Variants in FSIP1 observed in about 807,000 individuals in gnomAD.
The protein encoded by FSIP1 is fibrous sheath-interacting protein 1.
In FSIP1, 65 loss-of-function variants were observed where a neutral mutation model predicts 60.9. The observed-to-expected ratio is 1.07, with a 90% CI of 0.87 to 1.31. The LOEUF is 1.31. Ranked by LOEUF, FSIP1 falls within the 40% of genes most tolerant of loss-of-function variation. The probability of loss-of-function intolerance (pLI) is 0.00; values close to 1 mark genes in which losing one functional copy is unlikely to be tolerated. For synonymous variants in FSIP1, 209 were observed against 221.2 expected (o/e 0.94, Z 0.49); for missense variants, 675 against 665.5 (o/e 1.01, Z -0.16).
intron 5 of FSIP1, among the ~76,000 whole-genome samples, chr15:39,745,588 C>A (rs1232173972): frequency 6.6e-6 from 1 of 152,178 alleles, no homozygotes; most frequent in Non-Finnish European, 1.5e-5. Context: ...TGGGAACACA[C>A]CCTGGACAGG....
Position 39,763,808 on chromosome 15 carries a change from T to TC in FSIP1, c.559+12dup, listed in dbSNP as rs752039200. ...GATAAAAACAAAGTTGAATGACATC[T>TC]CCATCTACTCACCAACAGTTTCTTC... On this transcript the variant is annotated intron_variant, in intron 5 of 11. Transcript: ENST00000350221. The TC allele has an allele frequency of 2.2e-6, 3 of 1,336,934 alleles. No individual in the cohort carries two copies. The highest frequency in any genetic ancestry group is 3.2e-6 in the Non-Finnish European group (3 of 935,780). The allele number at this position is 1,336,934 out of a possible 1,614,324, so 82.8% of individuals were successfully genotyped here. A position where few individuals can be genotyped will look rare whatever the true frequency, so the allele number is the denominator to read the frequency against.
At chr15:39,610,196 C>CT (rs1890974956) in intron 11 of FSIP1, among the ~76,000 whole-genome samples, 1 of 152,070 alleles carries the variant, frequency 6.6e-6, no homozygotes, top group African/African-American at 2.4e-5. Context: ...AGAAAACTAA[C>CT]TTTCTTATAA....
intron 10 of FSIP1, among the ~76,000 whole-genome samples, chr15:39,641,971 G>A (rs908347149): frequency 6.6e-6 from 1 of 152,142 alleles, no homozygotes; most frequent in Non-Finnish European, 1.5e-5. Context: ...GCAAATTGCA[G>A]TCACAAGAAT....
intron 5 of FSIP1, among the ~76,000 whole-genome samples, chr15:39,763,098 A>G (rs1232898621): frequency 1.3e-5 from 2 of 152,214 alleles, no homozygotes; most frequent in Non-Finnish European, 2.9e-5. Context: ...TTTAGCTGAT[A>G]GTAATTTTTT....
Position 39,726,752 on chromosome 15 carries a change from G to C in FSIP1, c.892-5C>G, listed in dbSNP as rs750248423. On this transcript the variant is annotated splice_region_variant and splice_polypyrimidine_tract_variant and intron_variant, in intron 8 of 11. Transcript: ENST00000350221. ...CACCCAGCCAGACTGATCACCCTAA[G>C]AGGAAACAAGGGTCACCAGGTCATT... 2 of 1,612,832 alleles carry C rather than the reference G, an allele frequency of 1.2e-6. No homozygotes were observed. Among genetic ancestry groups the C allele is most frequent in the South Asian group, 1.1e-5 (1 of 90,968 alleles).
chr15:39,674,232 T>A lies in FSIP1; in HGVS notation c.1188+39212A>T, dbSNP rs560744020. Among the ~76,000 whole-genome samples, 5 of 152,118 alleles carry A rather than the reference T, an allele frequency of 3.3e-5. No homozygotes were observed. The South Asian group carries it at 6.2e-4, about 19-fold the overall frequency. Reference sequence around the variant, plus strand: ...ACCACACCCAGCTAATTTTTTGTAGTTTTAGTAGAGACAGGGTTTCACCGT... The same window carrying A: ...ACCACACCCAGCTAATTTTTTGTAGATTTAGTAGAGACAGGGTTTCACCGT... On this transcript the variant is annotated intron_variant, in intron 10 of 11. Coordinates refer to ENST00000350221, the MANE Select transcript of FSIP1 (RefSeq NM_152597.5).
intron 6 of FSIP1, among the ~76,000 whole-genome samples, chr15:39,740,463 C>T (rs141675086): frequency 4.6e-5 from 7 of 152,166 alleles, no homozygotes; most frequent in African/African-American, 1.2e-4. Context: ...TTCTATGTGT[C>T]GCATTAAAAT....
intron 10 of FSIP1, among the ~76,000 whole-genome samples, chr15:39,694,499 T>C (rs1446265087): frequency 2.0e-5 from 3 of 152,158 alleles, no homozygotes; most frequent in Non-Finnish European, 4.4e-5. Flanking sequence ...AAAGTTTGAA[T>C]TATATTATGA....
chr15:39,736,151 T>C (rs1257858892), intron 8 of FSIP1, among the ~76,000 whole-genome samples: 3 of 152,264 alleles, frequency 2.0e-5, no homozygotes, highest in African/African-American at 7.2e-5. Flanking sequence ...ACCACTGTCA[T>C]GTATGCATGT....
At chr15:39,694,036 T>C (rs1202258700) in intron 10 of FSIP1, among the ~76,000 whole-genome samples, 1 of 152,198 alleles carries the variant, frequency 6.6e-6, no homozygotes, top group African/African-American at 2.4e-5. Context: ...AAGACCACAC[T>C]GTACCCTATA....
intron 10 of FSIP1, among the ~76,000 whole-genome samples, chr15:39,659,270 C>T (rs1893193863): frequency 1.3e-5 from 2 of 152,052 alleles, no homozygotes; most frequent in African/African-American, 2.4e-5. Context: ...GGGCTGGACG[C>T]CGTGGCTCAC....
chr15:39,771,177 C>G (rs1190866140), intron 2 of FSIP1, among the ~76,000 whole-genome samples: 1 of 152,136 alleles, frequency 6.6e-6, no homozygotes, highest in African/African-American at 2.4e-5. Flanking sequence ...TAAGAGAGAA[C>G]AGAAAAGGAC....
intron 10 of FSIP1, among the ~76,000 whole-genome samples, chr15:39,663,968 C>T (rs1893399299): frequency 6.6e-6 from 1 of 152,092 alleles, no homozygotes; most frequent in Non-Finnish European, 1.5e-5. Flanking sequence ...GGATCCATTC[C>T]TAATGGTAAC....
chr15:39,665,460 T>G (rs1431690467), intron 10 of FSIP1, among the ~76,000 whole-genome samples: 2 of 152,242 alleles, frequency 1.3e-5, no homozygotes, highest in African/African-American at 2.4e-5. Context: ...TTTTCTTTAC[T>G]TGCAGAAGTT....
chr15:39,655,791 A>C (rs1327858876), intron 10 of FSIP1, among the ~76,000 whole-genome samples: 1 of 152,182 alleles, frequency 6.6e-6, no homozygotes, highest in Admixed American at 6.5e-5. Flanking sequence ...ATATATTTTG[A>C]AATGATCTTA....
chr15:39,767,959 G>T (rs1897749667), intron 3 of FSIP1, among the ~76,000 whole-genome samples: 1 of 152,176 alleles, frequency 6.6e-6, no homozygotes, highest in Non-Finnish European at 1.5e-5. Context: ...AAGGCAGAGG[G>T]TCTCATTGAG....
At chr15:39,718,445 C>A (rs1895832936) in intron 9 of FSIP1, among the ~76,000 whole-genome samples, 1 of 150,866 alleles carries the variant, frequency 6.6e-6, no homozygotes, top group Admixed American at 6.6e-5. Context: ...TTTGTAGTTC[C>A]TGAATTTCCT....
chr15:39,696,931 G>A (rs1030132345), intron 10 of FSIP1, among the ~76,000 whole-genome samples: 2 of 125,370 alleles, frequency 1.6e-5, no homozygotes, highest in South Asian at 5.3e-4. Flanking sequence ...TGTGTGTTGG[G>A]ATGGGGGAAG....
intron 8 of FSIP1, among the ~76,000 whole-genome samples, chr15:39,728,910 C>T (rs1438024840): frequency 6.6e-6 from 1 of 151,844 alleles, no homozygotes; most frequent in Non-Finnish European, 1.5e-5. Flanking sequence ...AATTAATAAG[C>T]AAAGAGCAAA....
Sources: allele counts gnomAD v4.1 joint callset (sites outside exome capture counted in the v4.1 genomes callset), GRCh38; gene constraint gnomAD v4.1.1; transcripts MANE v1.5; gene names NCBI Gene and HGNC (gene_info 2026-07-23, HGNC 2026-07-21).